Variants in WWP2 observed in about 807,000 individuals in gnomAD.
WWP2 encodes the protein NEDD4-like E3 ubiquitin-protein ligase WWP2.
A neutral mutation model predicts 121.0 loss-of-function variants in WWP2; 57 were observed. The observed-to-expected ratio is 0.47, with a 90% CI of 0.38 to 0.59. WWP2 has a LOEUF of 0.59. Among genes scored for constraint, WWP2 ranks in the 20% least tolerant of loss-of-function variants. The pLI, the probability that WWP2 is intolerant of heterozygous loss-of-function variation, is 0.00. For missense variants in WWP2, 962 were observed against 1,158.9 expected (o/e 0.83, Z 2.47); for synonymous variants, 449 against 441.3 (o/e 1.02, Z -0.22).
Position 69,787,052 on chromosome 16 carries a change from T to G in WWP2, c.42T>G (p.Pro14=). Residue 14 remains proline (P), a synonymous_variant, in exon 2 of 24, where the codon CCT becomes CCG. Transcript: ENST00000359154. Reference sequence around the variant, plus strand: ...CTAGCCGGGCAGGAGTGGCCCTGCCTTTTGAGAAGTCTCAGCTCACTTTGA... The same window carrying G: ...CTAGCCGGGCAGGAGTGGCCCTGCCGTTTGAGAAGTCTCAGCTCACTTTGA... The part of the protein sequence containing the change: ...ASSSRAGVAL[P]FEKSQLTLKV... The G allele has an allele frequency of 6.2e-7, 1 of 1,613,530 alleles. No individual in the cohort carries two copies. The highest frequency in any genetic ancestry group is 8.5e-7 in the Non-Finnish European group (1 of 1,179,762).
intron 1 of WWP2, chr16:69,776,073 C>G (rs1434164531): frequency 2.0e-5 from 3 of 152,264 alleles, no homozygotes; most frequent in Non-Finnish European, 4.4e-5. Flanking sequence ...GGTGTGACAG[C>G]AAAGTATGGG....
chr16:69,819,715 T>TA (rs2056559069), intron 4 of WWP2, among the ~76,000 whole-genome samples: 1 of 152,076 alleles, frequency 6.6e-6, no homozygotes, highest in African/African-American at 2.4e-5. Flanking sequence ...TCATGCCTTT[T>TA]AAAAAAGGCA....
chr16:69,868,249 C>T (rs1175652005), intron 6 of WWP2, among the ~76,000 whole-genome samples: 1 of 152,178 alleles, frequency 6.6e-6, no homozygotes, highest in African/African-American at 2.4e-5. Flanking sequence ...CCAGCTGCCC[C>T]TAGCTTAGGG....
chr16:69,869,781 C>T (rs954730281), intron 6 of WWP2, among the ~76,000 whole-genome samples: 6 of 152,122 alleles, frequency 3.9e-5, no homozygotes, highest in Non-Finnish European at 8.8e-5. Context: ...GGTTTATGTT[C>T]ATCTTGTCAA....
intron 6 of WWP2, among the ~76,000 whole-genome samples, chr16:69,855,799 T>C (rs936048216): frequency 2.0e-5 from 3 of 152,162 alleles, no homozygotes; most frequent in Admixed American, 1.3e-4. Context: ...AGTGGAGTCA[T>C]AGGAAGAGAT....
chr16:69,885,005 A>T (rs2057897899), intron 7 of WWP2, among the ~76,000 whole-genome samples: 1 of 152,014 alleles, frequency 6.6e-6, no homozygotes, highest in Non-Finnish European at 1.5e-5. Context: ...TTCATACATC[A>T]GTACCACATT....
chr16:69,884,669 A>T (rs1332357631), intron 7 of WWP2, among the ~76,000 whole-genome samples: 1 of 152,214 alleles, frequency 6.6e-6, no homozygotes, highest in Non-Finnish European at 1.5e-5. Context: ...ATATTTTAAA[A>T]CATATTTGAA....
intron 1 of WWP2, among the ~76,000 whole-genome samples, chr16:69,778,428 T>A (rs914599081): frequency 3.3e-5 from 5 of 152,020 alleles, no homozygotes; most frequent in Non-Finnish European, 7.4e-5. Flanking sequence ...CCATGGCTAT[T>A]AGCAGGGGAG....
At chr16:69,881,132 C>T (rs1374324900) in intron 7 of WWP2, among the ~76,000 whole-genome samples, 2 of 152,226 alleles carry the variant, frequency 1.3e-5, no homozygotes, top group Admixed American at 6.5e-5. Context: ...TGCCATCTTA[C>T]TGCTTACCAT....
At chr16:69,837,656 A>G (rs1365267994) in intron 4 of WWP2, among the ~76,000 whole-genome samples, 1 of 152,150 alleles carries the variant, frequency 6.6e-6, no homozygotes, top group Non-Finnish European at 1.5e-5. Context: ...GGAGGAAAAA[A>G]AAGTGCCAAC....
rs1337345886 is a variant in WWP2, at chr16:69,917,694, G to A, written c.1005-15G>A. ...GGGGTGGTCATTATATTCATTCTGA[G>A]GTTCCTATTTCCAGCTGGGAAAAAC... On this transcript the variant is annotated splice_polypyrimidine_tract_variant and intron_variant, in intron 9 of 23. Coordinates refer to ENST00000359154, the MANE Select transcript of WWP2 (RefSeq NM_001270454.2). The A allele has an allele frequency of 1.3e-6, 2 of 1,595,684 alleles. No homozygotes were observed. The highest frequency in any genetic ancestry group is 1.1e-5 in the South Asian group (1 of 90,744).
intron 4 of WWP2, among the ~76,000 whole-genome samples, chr16:69,809,776 AAGAGAGAG>A (rs1298238057): frequency 6.6e-6 from 1 of 151,134 alleles, no homozygotes; most frequent in South Asian, 2.1e-4. Flanking sequence ...CAGAAAGAGA[AAGAGAGAG>A]AGAGACAGAG....
chr16:69,853,775 G>A (rs1305994069), intron 6 of WWP2, among the ~76,000 whole-genome samples: 2 of 152,212 alleles, frequency 1.3e-5, no homozygotes, highest in South Asian at 2.1e-4. Flanking sequence ...AATGAGACAA[G>A]GTGAAGGGTA....
intron 6 of WWP2, among the ~76,000 whole-genome samples, chr16:69,849,501 T>C (rs2151886362): frequency 6.6e-6 from 1 of 152,268 alleles, no homozygotes; most frequent in Non-Finnish European, 1.5e-5. Context: ...ATTCATTCAT[T>C]CATTCATTCA....
intron 2 of WWP2, among the ~76,000 whole-genome samples, chr16:69,788,864 A>G (rs866571136): frequency 1.3e-5 from 2 of 152,066 alleles, no homozygotes; most frequent in Admixed American, 1.3e-4. Context: ...ACGAAAGAAT[A>G]TTGCTTCGGG....
At chr16:69,803,504 G>C (rs1450824803) in intron 4 of WWP2, among the ~76,000 whole-genome samples, 1 of 151,976 alleles carries the variant, frequency 6.6e-6, no homozygotes, top group Non-Finnish European at 1.5e-5. Context: ...TTTTACATTT[G>C]GTTTGCTTGA....
At chr16:69,912,934 A>T (rs1597150861) in intron 9 of WWP2, among the ~76,000 whole-genome samples, 1 of 1,392 alleles carries the variant, frequency 7.2e-4, no homozygotes, top group Non-Finnish European at 1.1e-3. Context: ...AAAAAAAAAA[A>T]AAAAAAAAAA....
At chr16:69,805,839 G>T (rs1319212004) in intron 4 of WWP2, among the ~76,000 whole-genome samples, 1 of 145,498 alleles carries the variant, frequency 6.9e-6, no homozygotes, top group African/African-American at 2.5e-5. Context: ...TGTTGACTTT[G>T]TATCAAATAT....
intron 8 of WWP2, among the ~76,000 whole-genome samples, chr16:69,906,844 C>G (rs1274514360): frequency 6.6e-6 from 1 of 151,820 alleles, no homozygotes; most frequent in Non-Finnish European, 1.5e-5. Context: ...CACACCACCA[C>G]ACTCCAGCTC....
Sources: allele counts gnomAD v4.1 joint callset (sites outside exome capture counted in the v4.1 genomes callset), GRCh38; gene constraint gnomAD v4.1.1; transcripts MANE v1.5; gene names NCBI Gene and HGNC (gene_info 2026-07-23, HGNC 2026-07-21).